The following CDH13 variants were observed in gnomAD, a reference collection of about 807,000 sequenced individuals.
CDH13 encodes the protein cadherin-13.
Under a neutral mutation model 63.8 loss-of-function variants are expected in CDH13, and 24 were observed. That is an observed-to-expected ratio of 0.38 (90% CI 0.27 to 0.53). The LOEUF is 0.53. Ranked by LOEUF, CDH13 falls within the 20% of genes least tolerant of loss-of-function variation. The pLI is 0.85. For missense variants in CDH13, 1,049 were observed against 903.1 expected (o/e 1.16, Z -2.07); for synonymous variants, 503 against 355.3 (o/e 1.42, Z -4.67).
At chr16:83,365,981 G>A (rs528224610) in intron 6 of CDH13, among the ~76,000 whole-genome samples, 2 of 152,256 alleles carry the variant, frequency 1.3e-5, no homozygotes, top group African/African-American at 4.8e-5. Context: ...GAAACCTACT[G>A]TGAACCCCAC....
chr16:82,632,761 T>G (rs1181343865), intron 1 of CDH13, among the ~76,000 whole-genome samples: 1 of 152,190 alleles, frequency 6.6e-6, no homozygotes, highest in Non-Finnish European at 1.5e-5. Context: ...TGCATTTAAT[T>G]TCTGTATTGT....
chr16:83,190,693 C>G (rs1022409665), intron 4 of CDH13, among the ~76,000 whole-genome samples: 2 of 152,172 alleles, frequency 1.3e-5, no homozygotes, highest in Admixed American at 6.5e-5. Context: ...TGCTAATACT[C>G]TGTCTCTTGA....
At chr16:83,513,808 T>C (rs2074632663) in intron 7 of CDH13, among the ~76,000 whole-genome samples, 1 of 152,076 alleles carries the variant, frequency 6.6e-6, no homozygotes, top group Non-Finnish European at 1.5e-5. Flanking sequence ...ACCTTAACAG[T>C]TGGGTTCAAA....
chr16:82,835,722 T>C (rs1040838535), intron 1 of CDH13, among the ~76,000 whole-genome samples: 16 of 152,200 alleles, frequency 1.1e-4, no homozygotes, highest in African/African-American at 3.4e-4. Context: ...CTAGTTTTGC[T>C]GGTCTCAACT....
At chr16:83,109,160 A>T (rs1379427766) in intron 3 of CDH13, among the ~76,000 whole-genome samples, 1 of 152,208 alleles carries the variant, frequency 6.6e-6, no homozygotes, top group Admixed American at 6.5e-5. Flanking sequence ...AGGATCCCTC[A>T]GGTGGCCTAC....
intron 5 of CDH13, among the ~76,000 whole-genome samples, chr16:83,320,615 G>T (rs1038083973): frequency 2.4e-4 from 36 of 152,274 alleles, no homozygotes; most frequent in African/African-American, 8.4e-4. Context: ...TACAAGAACA[G>T]ATTTTTCCCC....
At chr16:82,776,071 A>C (rs921081150) in intron 1 of CDH13, among the ~76,000 whole-genome samples, 1 of 152,096 alleles carries the variant, frequency 6.6e-6, no homozygotes, top group African/African-American at 2.4e-5. Context: ...TTAGCTGAGG[A>C]CAGTGGTGCA....
chr16:83,760,451 A>C, intron 11 of CDH13, among the ~76,000 whole-genome samples: 1 of 152,242 alleles, frequency 6.6e-6, no homozygotes, highest in East Asian at 1.9e-4. Context: ...GATGCCCAGC[A>C]AAAGTTGAAT....
intron 10 of CDH13, among the ~76,000 whole-genome samples, chr16:83,682,107 A>G (rs1915456010): frequency 6.6e-6 from 1 of 152,212 alleles, no homozygotes; most frequent in Non-Finnish European, 1.5e-5. Flanking sequence ...AAGAATTTAA[A>G]CAAGAGACAC....
intron 10 of CDH13, among the ~76,000 whole-genome samples, chr16:83,743,062 C>G (rs946460901): frequency 6.6e-6 from 1 of 152,146 alleles, no homozygotes; most frequent in African/African-American, 2.4e-5. Context: ...GAAAATTTAG[C>G]CAGGCATGGT....
intron 10 of CDH13, among the ~76,000 whole-genome samples, chr16:83,715,060 T>C (rs1908677973): frequency 6.6e-6 from 1 of 152,208 alleles, no homozygotes; most frequent in African/African-American, 2.4e-5. Context: ...AAGAGTTTTA[T>C]TGCTATCATT....
At chr16:82,748,607 A>C (rs1307583037) in intron 1 of CDH13, among the ~76,000 whole-genome samples, 2 of 152,014 alleles carry the variant, frequency 1.3e-5, no homozygotes, top group African/African-American at 4.8e-5. Context: ...CTGCTAACAA[A>C]AAAATCAAAG....
At chr16:83,626,858 T>C (rs1910351990) in intron 8 of CDH13, among the ~76,000 whole-genome samples, 1 of 152,194 alleles carries the variant, frequency 6.6e-6, no homozygotes, top group Admixed American at 6.5e-5. Flanking sequence ...CGCCTCGGAA[T>C]GGTCCTCCGT....
intron 4 of CDH13, among the ~76,000 whole-genome samples, chr16:83,134,357 T>G (rs558447410): frequency 6.6e-6 from 1 of 152,130 alleles, no homozygotes; most frequent in Non-Finnish European, 1.5e-5. Context: ...GCCCAGTTAA[T>G]TTTTGTATTT....
At chr16:82,826,458 C>G (rs1227313791) in intron 1 of CDH13, 1 of 152,090 alleles carries the variant, frequency 6.6e-6, no homozygotes, top group African/African-American at 2.4e-5. Flanking sequence ...GTAATTGAAA[C>G]ATGTTGGTAA....
intron 7 of CDH13, among the ~76,000 whole-genome samples, chr16:83,585,525 T>C (rs1261506193): frequency 6.6e-6 from 1 of 152,104 alleles, no homozygotes; most frequent in East Asian, 1.9e-4. Context: ...GTGTTTGCAG[T>C]GCTCGTGACA....
intron 3 of CDH13, among the ~76,000 whole-genome samples, chr16:83,037,488 G>T (rs950536821): frequency 6.6e-6 from 1 of 152,202 alleles, no homozygotes; most frequent in Non-Finnish European, 1.5e-5. Flanking sequence ...CCAGAAGCAA[G>T]ATTTGCCAGA....
intron 1 of CDH13, among the ~76,000 whole-genome samples, chr16:82,813,727 T>C (rs1218881019): frequency 1.3e-5 from 2 of 152,154 alleles, no homozygotes; most frequent in Non-Finnish European, 2.9e-5. Context: ...TGAAAGAAAC[T>C]AAAACCAAAC....
In CDH13 at chr16:83,008,783, T is replaced by C. The variant is rs1370150263; in HGVS notation, c.158-23227T>C. Among the ~76,000 whole-genome samples the C allele has an allele frequency of 2.6e-5, 4 of 152,200 alleles. No individual in the cohort carries two copies. In the South Asian group the frequency reaches 8.3e-4, roughly 32 times the overall value. ...TTCCTTTCATCTTCACAGATTATTCTATATTAGTCCATTCTGACACTGCTA... is the reference window on the plus strand; with the variant it reads ...TTCCTTTCATCTTCACAGATTATTCCATATTAGTCCATTCTGACACTGCTA... On this transcript the variant is annotated intron_variant, in intron 2 of 13. Transcript: ENST00000567109.
Sources: allele counts gnomAD v4.1 joint callset (sites outside exome capture counted in the v4.1 genomes callset), GRCh38; gene constraint gnomAD v4.1.1; transcripts MANE v1.5; gene names NCBI Gene and HGNC (gene_info 2026-07-23, HGNC 2026-07-21).